Variants in LGR5 observed in about 807,000 individuals in gnomAD.
LGR5 encodes leucine rich repeat containing G protein-coupled receptor 5.
Under a neutral mutation model 76.7 loss-of-function variants are expected in LGR5, and 54 were observed. The observed-to-expected ratio is 0.70, with a 90% CI of 0.57 to 0.88. LGR5 has a LOEUF of 0.88. LGR5 is among the 40% of genes least tolerant of loss of function. The pLI is 0.00. For synonymous variants in LGR5, 406 were observed against 421.9 expected (o/e 0.96, Z 0.46); for missense variants, 1,078 against 1,073.3 (o/e 1.00, Z -0.06).
chr12:71,536,322 G>A (rs1017296419), intron 4 of LGR5, among the ~76,000 whole-genome samples: 4 of 152,244 alleles, frequency 2.6e-5, no homozygotes, highest in Admixed American at 6.5e-5. Flanking sequence ...TGATACTTTC[G>A]TCCTTTGATC....
At chr12:71,578,994 G>C in intron 15 of LGR5, 65 bp downstream of exon 15, 1 of 1,409,768 alleles carries the variant, frequency 7.1e-7, no homozygotes. Flanking sequence ...ATGTATTATA[G>C]TGGTGTTCTA....
chr12:71,556,969 G>A (rs2304274), intron 6 of LGR5, among the ~76,000 whole-genome samples: 17,994 of 152,204 alleles, frequency 0.12, 1,438 homozygotes, highest in East Asian at 0.39. Context: ...TTAGAAATGT[G>A]TAGTCTCTGT....
At chr12:71,479,829 A>G (rs1323124421) in intron 1 of LGR5, among the ~76,000 whole-genome samples, 1 of 152,110 alleles carries the variant, frequency 6.6e-6, no homozygotes, top group East Asian at 1.9e-4. Flanking sequence ...TAATGGAGGG[A>G]TGGAGGGACC....
intron 11 of LGR5, among the ~76,000 whole-genome samples, chr12:71,568,006 G>A (rs1445563074): frequency 6.6e-6 from 1 of 152,086 alleles, no homozygotes; most frequent in Non-Finnish European, 1.5e-5. Flanking sequence ...TATATCAGGT[G>A]GTAGAAATTT....
At chr12:71,547,913 T>C (rs1040649198) in intron 4 of LGR5, among the ~76,000 whole-genome samples, 26 of 152,294 alleles carry the variant, frequency 1.7e-4, no homozygotes, top group Non-Finnish European at 5.9e-5. Flanking sequence ...TGGCATAAGA[T>C]GTAGGGAAAA....
Position 71,584,914 on chromosome 12 carries a change from C to G in LGR5, c.*180C>G. On this transcript the variant is annotated 3_prime_UTR_variant, in exon 18 of 18. Transcript: ENST00000266674. ...TTGATACTTGAGAGTGAATATAAGTCTAAATGCTGCTTTGTATAATTTGTT... is the reference window on the plus strand; with the variant it reads ...TTGATACTTGAGAGTGAATATAAGTGTAAATGCTGCTTTGTATAATTTGTT... The G allele has an allele frequency of 1.6e-6, 1 of 608,216 alleles. No individual in the cohort carries two copies. The highest frequency in any genetic ancestry group is 2.9e-6 in the Non-Finnish European group (1 of 349,778). 37.7% of individuals were successfully genotyped at this position (608,216 alleles called of 1,614,324 possible).
At chr12:71,445,057 T>C (rs978080000) in intron 1 of LGR5, among the ~76,000 whole-genome samples, 1 of 152,164 alleles carries the variant, frequency 6.6e-6, no homozygotes, top group African/African-American at 2.4e-5. Flanking sequence ...TGAAAAACAG[T>C]AGTGGGTTGT....
chr12:71,439,466 C>T (rs556390770), upstream of LGR5, among the ~76,000 whole-genome samples: 1 of 152,266 alleles, frequency 6.6e-6, no homozygotes, highest in East Asian at 1.9e-4. Context: ...CTGTTTAGGT[C>T]TCTCCGAAGC....
chr12:71,573,720 C>A (rs1878720459), intron 13 of LGR5, among the ~76,000 whole-genome samples: 1 of 151,912 alleles, frequency 6.6e-6, no homozygotes, highest in Non-Finnish European at 1.5e-5. Context: ...AGAGACTATA[C>A]CTTTGGTAAA....
Position 71,453,226 on chromosome 12 carries a change from T to C in LGR5, c.212+12934T>C, listed in dbSNP as rs150177050. ...ATAAAAATATTCTAACTTTTGTTTC[T>C]GATCCTTGGTATCAAATAGACAAAA... On this transcript the variant is annotated intron_variant, in intron 1 of 17. Coordinates refer to ENST00000266674, the MANE Select transcript of LGR5 (RefSeq NM_003667.4). 3.6e-3 allele frequency among the ~76,000 whole-genome samples: 554 copies of C among 152,360 alleles called. 3 individuals carry two copies. The highest frequency in any genetic ancestry group is 6.2e-3 in the Non-Finnish European group (423 of 68,024).
chr12:71,520,634 G>A lies in LGR5; in HGVS notation c.285-3772G>A, dbSNP rs140734873. 1.7e-3 allele frequency among the ~76,000 whole-genome samples: 249 copies of A among 150,508 alleles called. 3 individuals are homozygous for A. In the East Asian group the frequency reaches 0.025, roughly 15 times the overall value. ...ACACAAGAAGAGAAAATCAAACAAC[G>A]CATGTTCTCACTCATAAGTGGGAGT... On this transcript the variant is annotated intron_variant, in intron 2 of 17. Transcript: ENST00000266674.
At position 71,551,887 on chromosome 12, in the gene LGR5, A is replaced by G. The variant is rs370039376; in HGVS notation, c.429-1186A>G. Among the ~76,000 whole-genome samples the G allele has an allele frequency of 1.6e-4, 24 of 152,350 alleles. 1 individual carries two copies. In the South Asian group the frequency reaches 4.8e-3, roughly 30 times the overall value. On this transcript the variant is annotated intron_variant, in intron 4 of 17. Coordinates refer to ENST00000266674, the MANE Select transcript of LGR5 (RefSeq NM_003667.4). ...CATTTAAAATGTCAGAAAAACAAACATCTGCTTCATACAAATGGTTAGGAT... is the reference window on the plus strand; with the variant it reads ...CATTTAAAATGTCAGAAAAACAAACGTCTGCTTCATACAAATGGTTAGGAT...
At chr12:71,484,326 T>C (rs527428193) in intron 1 of LGR5, among the ~76,000 whole-genome samples, 162 of 152,334 alleles carry the variant, frequency 1.1e-3, no homozygotes, top group African/African-American at 3.8e-3. Context: ...AAGAAACTGG[T>C]TGCCCTTGAG....
rs149916554 is a variant in LGR5 at position 71,483,473 on chromosome 12, C to G, written c.213-21141C>G. On this transcript the variant is annotated intron_variant, in intron 1 of 17. Coordinates refer to ENST00000266674, the MANE Select transcript of LGR5 (RefSeq NM_003667.4). ...GGAGAGGAGACTTTTTCTGGGGTACCTCCTCATGTGTATGGTACTTCTTAA... is the reference window on the plus strand; with the variant it reads ...GGAGAGGAGACTTTTTCTGGGGTACGTCCTCATGTGTATGGTACTTCTTAA... Among the ~76,000 whole-genome samples, 1,449 of 152,238 alleles carry G rather than the reference C, an allele frequency of 9.5e-3. 14 individuals are homozygous for G. The highest frequency in any genetic ancestry group is 0.014 in the Non-Finnish European group (962 of 68,010).
chr12:71,567,727 C>A (rs1188288493), intron 11 of LGR5, among the ~76,000 whole-genome samples: 2 of 152,104 alleles, frequency 1.3e-5, no homozygotes, highest in African/African-American at 4.8e-5. Flanking sequence ...CCAGCCCCAG[C>A]CTGCCGTGTC....
At chr12:71,461,965 C>T (rs1872702428) in intron 1 of LGR5, among the ~76,000 whole-genome samples, 1 of 152,116 alleles carries the variant, frequency 6.6e-6, no homozygotes, top group Non-Finnish European at 1.5e-5. Flanking sequence ...TGAATTTGGC[C>T]ATGGTCCAAA....
At chr12:71,463,816 TTATAA>T (rs1464620834) in intron 1 of LGR5, among the ~76,000 whole-genome samples, 1 of 152,016 alleles carries the variant, frequency 6.6e-6, no homozygotes, top group African/African-American at 2.4e-5. Flanking sequence ...CATATATAAA[TTATAA>T]TATACATATA....
chr12:71,566,531 AC>A (rs1487203033), intron 9 of LGR5, 56 bp downstream of exon 9: 1 of 1,539,008 alleles, frequency 6.5e-7, no homozygotes, highest in African/African-American at 1.4e-5. Flanking sequence ...GCTGTGAAAA[AC>A]CAAATGAATA....
chr12:71,525,227 AT>A (rs1022005361), intron 3 of LGR5, among the ~76,000 whole-genome samples: 18 of 152,146 alleles, frequency 1.2e-4, no homozygotes, highest in Non-Finnish European at 5.9e-5. Flanking sequence ...TAACTTTGAT[AT>A]ATTTCTGCTT....
Sources: allele counts gnomAD v4.1 joint callset (sites outside exome capture counted in the v4.1 genomes callset), GRCh38; gene constraint gnomAD v4.1.1; transcripts MANE v1.5; gene names NCBI Gene and HGNC (gene_info 2026-07-23, HGNC 2026-07-21).